The following AMD1 variants were observed in gnomAD, a reference collection of about 807,000 sequenced individuals.
AMD1 encodes S-adenosylmethionine decarboxylase proenzyme.
In AMD1, 11 loss-of-function variants were observed where a neutral mutation model predicts 40.2. That is an observed-to-expected ratio of 0.27 (90% CI 0.17 to 0.45). The LOEUF is 0.45. AMD1 is among the 20% of genes least tolerant of loss of function. AMD1 has a pLI of 1.00. For synonymous variants in AMD1, 121 were observed against 130.8 expected, an observed-to-expected ratio of 0.93 and a Z score of 0.51; for missense variants, 257 against 410.2, an observed-to-expected ratio of 0.63 and a Z score of 3.23.
chr6:110,893,756 T>A lies in AMD1; in HGVS notation c.*140T>A. 1 of 929,040 alleles carries A rather than the reference T, an allele frequency of 1.1e-6. No individual in the cohort carries two copies. Among genetic ancestry groups the A allele is most frequent in the Non-Finnish European group, 1.6e-6 (1 of 635,856 alleles). The allele number at this position is 929,040 out of a possible 1,614,324, so 57.5% of individuals were successfully genotyped here. On this transcript the variant is annotated 3_prime_UTR_variant, in exon 9 of 9. Transcript: ENST00000368885. ...GAAAGCCCTAGATGTAATGATAGTG[T>A]AATCATTTTGAATTGTATGCATTAT...
the AMD1 span, among the ~76,000 whole-genome samples, chr6:110,855,355 A>G: frequency 8.5e-5 from 13 of 152,202 alleles, no homozygotes; most frequent in Non-Finnish European, 4.4e-5. Context: ...CTTGTTTTAT[A>G]AAAGTATACC....
the AMD1 span, among the ~76,000 whole-genome samples, chr6:110,832,010 ATTTTTTT>A: frequency 2.9e-4 from 37 of 128,230 alleles, no homozygotes; most frequent in Middle Eastern, 4.0e-3. Flanking sequence ...TGCCTGGCTA[ATTTTTTT>A]TTTTTTTTTT....
chr6:110,843,876 C>T, the AMD1 span, among the ~76,000 whole-genome samples: 3 of 152,180 alleles, frequency 2.0e-5, no homozygotes, highest in South Asian at 2.1e-4. Context: ...GTGTGAGCCA[C>T]GGAGCTCGGC....
At chr6:110,833,751 C>T in the AMD1 span, among the ~76,000 whole-genome samples, 5 of 152,176 alleles carry the variant, frequency 3.3e-5, no homozygotes, top group Admixed American at 1.3e-4. Flanking sequence ...CAGAGGCTCA[C>T]GCCTATAATC....
chr6:110,864,091 G>A, the AMD1 span: 1 of 231,218 alleles, frequency 4.3e-6, no homozygotes, highest in Non-Finnish European at 8.6e-6. Flanking sequence ...CCCCAAGTAG[G>A]TGGGATTACA....
Position 110,875,291 on chromosome 6 carries a change from G to T in AMD1, c.110+76G>T, listed in dbSNP as rs1785032819. On this transcript the variant is annotated intron_variant, in intron 1 of 8. Coordinates refer to ENST00000368885, the MANE Select transcript of AMD1 (RefSeq NM_001634.6). ...CGCCGAGGCACCAGCCACGGGTGGA[G>T]CCCGAGTTCCCTCAGCTTTCAGTTG... 5.8e-6 allele frequency: 7 copies of T among 1,206,094 alleles called. No individual in the cohort carries two copies. In the South Asian group the frequency reaches 7.7e-5, roughly 13 times the overall value. The allele number at this position is 1,206,094 out of a possible 1,614,324, so 74.7% of individuals were successfully genotyped here.
chr6:110,846,389 CATAA>C, the AMD1 span, among the ~76,000 whole-genome samples: 3 of 152,050 alleles, frequency 2.0e-5, no homozygotes, highest in South Asian at 2.1e-4. Context: ...CAGTAGAATG[CATAA>C]ATAGCTATCC....
At chr6:110,815,188 C>CCCT in the AMD1 span, 2 of 1,502,584 alleles carry the variant, frequency 1.3e-6, no homozygotes, top group Non-Finnish European at 1.8e-6. Flanking sequence ...GCCGCTCAGT[C>CCCT]CCTCCTCCTC....
At chr6:110,888,640 A>G in intron 2 of AMD1, 1 of 339,858 alleles carries the variant, frequency 2.9e-6, no homozygotes. Flanking sequence ...AGTTTATATT[A>G]TGAATATACG....
At chr6:110,889,100 C>CCTTACCACGTGTTT in intron 3 of AMD1, 117 bp downstream of exon 3, 5 of 1,255,578 alleles carry the variant, frequency 4.0e-6, no homozygotes, top group Non-Finnish European at 5.4e-6. Context: ...CATGCAAACA[C>CCTTACCACGTGTTT]GTGGTAAGGT....
chr6:110,858,470 T>C, the AMD1 span: 2,088 of 1,229,468 alleles, frequency 1.7e-3, 7 homozygotes, highest in South Asian at 4.6e-3. Context: ...GATCAACCGT[T>C]CCATGCAGAA....
At chr6:110,890,168 G>T in intron 3 of AMD1, 86 bp from the exon 4 acceptor site, 1 of 1,020,956 alleles carries the variant, frequency 9.8e-7, no homozygotes, top group East Asian at 2.7e-5. Flanking sequence ...TTTGATATGT[G>T]GACAATAGTT....
the AMD1 span, chr6:110,848,701 A>G: frequency 2.0e-4 from 65 of 327,550 alleles, no homozygotes; most frequent in African/African-American, 1.2e-3. Flanking sequence ...TAACTGATGG[A>G]GTATTGATAG....
chr6:110,825,030 G>C, the AMD1 span, among the ~76,000 whole-genome samples: 1 of 152,152 alleles, frequency 6.6e-6, no homozygotes, highest in Non-Finnish European at 1.5e-5. Flanking sequence ...CAGTATAGTA[G>C]TCCCACCTTG....
intron 6 of AMD1, 127 bp from the exon 7 acceptor site, chr6:110,892,608 T>G: frequency 7.2e-7 from 1 of 1,381,424 alleles, no homozygotes; most frequent in East Asian, 2.3e-5. Flanking sequence ...CACCCAGGTG[T>G]TAAGCCTAGT....
At chr6:110,819,628 G>C in the AMD1 span, among the ~76,000 whole-genome samples, 1 of 152,182 alleles carries the variant, frequency 6.6e-6, no homozygotes, top group Non-Finnish European at 1.5e-5. Flanking sequence ...CGAATTGGAA[G>C]TACCTATGGG....
At chr6:110,887,644 G>T in intron 2 of AMD1, 53 bp downstream of exon 2, 1 of 1,286,282 alleles carries the variant, frequency 7.8e-7, no homozygotes, top group Non-Finnish European at 1.1e-6. Flanking sequence ...TAATCATAAT[G>T]TGAAACAGTT....
the AMD1 span, among the ~76,000 whole-genome samples, chr6:110,821,426 C>T: frequency 6.6e-6 from 1 of 152,070 alleles, no homozygotes; most frequent in South Asian, 2.1e-4. Flanking sequence ...CCACCCTAGT[C>T]AACATGGTGA....
At chr6:110,816,626 G>C in the AMD1 span, among the ~76,000 whole-genome samples, 1 of 152,204 alleles carries the variant, frequency 6.6e-6, no homozygotes, top group African/African-American at 2.4e-5. Flanking sequence ...ACCAGAAAGA[G>C]AGCTGCTGCT....
Sources: allele counts gnomAD v4.1 joint callset (sites outside exome capture counted in the v4.1 genomes callset), GRCh38; gene constraint gnomAD v4.1.1; transcripts MANE v1.5; gene names NCBI Gene and HGNC (gene_info 2026-07-23, HGNC 2026-07-21).